The following RAB38 variants were observed in gnomAD, a reference collection of about 807,000 sequenced individuals.
The protein encoded by RAB38 is RAB38, member RAS oncogene family.
Under a neutral mutation model 18.4 loss-of-function variants are expected in RAB38, and 15 were observed. The ratio of observed to expected loss-of-function variants is 0.82; its 90% confidence interval spans 0.55 to 1.26. The LOEUF is 1.26. RAB38 is among the 50% of genes most tolerant of loss of function. The pLI, the probability that RAB38 is intolerant of heterozygous loss-of-function variation, is 0.00. For synonymous variants in RAB38, 101 were observed against 104.4 expected (o/e 0.97, Z 0.20); for missense variants, 294 against 267.4 (o/e 1.10, Z -0.69).
At chr11:88,035,200 C>T in the RAB38 span, among the ~76,000 whole-genome samples, 2 of 152,106 alleles carry the variant, frequency 1.3e-5, no homozygotes, top group Admixed American at 6.5e-5. Context: ...GTAATTTCTT[C>T]ATCCTTTTAA....
At chr11:88,137,459 A>G (rs1444991487) in intron 2 of RAB38, among the ~76,000 whole-genome samples, 1 of 152,192 alleles carries the variant, frequency 6.6e-6, no homozygotes, top group African/African-American at 2.4e-5. Context: ...AATTAAAACT[A>G]TGATTGCTGA....
chr11:88,081,867 C>T, the RAB38 span, among the ~76,000 whole-genome samples: 1 of 151,860 alleles, frequency 6.6e-6, no homozygotes, highest in Non-Finnish European at 1.5e-5. Context: ...GCCCAATATC[C>T]TTCAACTGGT....
chr11:88,110,196 G>T (rs1314769068), downstream of RAB38, among the ~76,000 whole-genome samples: 2 of 152,060 alleles, frequency 1.3e-5, no homozygotes, highest in African/African-American at 2.4e-5. Context: ...CCATAAAAAA[G>T]GATAGTTCAT....
At chr11:88,047,099 T>C in the RAB38 span, among the ~76,000 whole-genome samples, 1 of 152,202 alleles carries the variant, frequency 6.6e-6, no homozygotes, top group Admixed American at 6.5e-5. Flanking sequence ...TGTGCTCAAC[T>C]TACTCTCTAC....
chr11:88,166,731 A>G (rs1157791192), intron 1 of RAB38: 1 of 152,162 alleles, frequency 6.6e-6, no homozygotes, highest in Non-Finnish European at 1.5e-5. Flanking sequence ...AATGGTATTT[A>G]AGGACATTTC....
At chr11:87,955,899 ACACAC>A in the RAB38 span, among the ~76,000 whole-genome samples, 1 of 144,486 alleles carries the variant, frequency 6.9e-6, no homozygotes, top group African/African-American at 2.6e-5. Context: ...ACACACACAC[ACACAC>A]AAGTAGGACA....
intron 2 of RAB38, among the ~76,000 whole-genome samples, chr11:88,123,103 T>C (rs1233538480): frequency 6.6e-6 from 1 of 152,214 alleles, no homozygotes; most frequent in Non-Finnish European, 1.5e-5. Context: ...CCTGTCTCCT[T>C]CTTCTTCCTT....
chr11:88,033,628 G>T, the RAB38 span, among the ~76,000 whole-genome samples: 1 of 151,238 alleles, frequency 6.6e-6, no homozygotes, highest in Non-Finnish European at 1.5e-5. Flanking sequence ...GTGTTTCTGT[G>T]TGTGTCTTTA....
intron 1 of RAB38, among the ~76,000 whole-genome samples, chr11:88,153,698 G>T (rs1943090838): frequency 6.6e-6 from 1 of 152,214 alleles, no homozygotes; most frequent in South Asian, 2.1e-4. Context: ...ATCCCTAGTT[G>T]GGTTGCACTT....
chr11:87,837,830 AG>A, the RAB38 span, among the ~76,000 whole-genome samples: 1 of 152,216 alleles, frequency 6.6e-6, no homozygotes, highest in East Asian at 1.9e-4. Context: ...CATTCACCTA[AG>A]GGAAAGGCAG....
At chr11:88,017,134 A>G in the RAB38 span, among the ~76,000 whole-genome samples, 1 of 152,056 alleles carries the variant, frequency 6.6e-6, no homozygotes, top group Non-Finnish European at 1.5e-5. Context: ...TAAGCACTGC[A>G]AGCAGAGAGG....
the RAB38 span, among the ~76,000 whole-genome samples, chr11:87,923,862 GAGAGAAT>G: frequency 4.0e-5 from 6 of 151,428 alleles, no homozygotes; most frequent in Non-Finnish European, 8.8e-5. Flanking sequence ...CATCGACCCA[GAGAGAAT>G]AGTTAACATT....
At chr11:88,065,536 T>C in the RAB38 span, among the ~76,000 whole-genome samples, 1 of 152,222 alleles carries the variant, frequency 6.6e-6, no homozygotes, top group African/African-American at 2.4e-5. Flanking sequence ...TGTTTTAATA[T>C]CTTCTTTCGG....
At chr11:87,947,238 G>GTTTT in the RAB38 span, among the ~76,000 whole-genome samples, 3 of 150,848 alleles carry the variant, frequency 2.0e-5, no homozygotes, top group African/African-American at 7.3e-5. Flanking sequence ...TGATGGGGTT[G>GTTTT]TTTTTTTTCT....
the RAB38 span, among the ~76,000 whole-genome samples, chr11:87,903,206 T>C: frequency 1.3e-5 from 2 of 151,516 alleles, no homozygotes; most frequent in East Asian, 3.9e-4. Context: ...ATGTTAGCTC[T>C]GTGTTTTTGG....
chr11:88,102,756 C>T, the RAB38 span, among the ~76,000 whole-genome samples: 1 of 152,014 alleles, frequency 6.6e-6, no homozygotes, highest in Admixed American at 6.6e-5. Context: ...TCTGAAACTT[C>T]CTCTCCAGCC....
the RAB38 span, among the ~76,000 whole-genome samples, chr11:87,969,010 T>G: frequency 6.6e-6 from 1 of 152,144 alleles, no homozygotes; most frequent in Non-Finnish European, 1.5e-5. Flanking sequence ...ATGCAGTATA[T>G]CCTGTGTACT....
chr11:87,863,209 G>A, the RAB38 span, among the ~76,000 whole-genome samples: 6 of 151,748 alleles, frequency 4.0e-5, no homozygotes, highest in Non-Finnish European at 8.8e-5. Context: ...CAAAATAAAA[G>A]CTTTGTGACT....
chr11:88,062,189 G>A, the RAB38 span: 1 of 151,894 alleles, frequency 6.6e-6, no homozygotes, highest in African/African-American at 2.4e-5. Flanking sequence ...GTTAAGGGAG[G>A]GACATAGTGG....
Sources: gnomAD v4.1 joint callset for allele counts (sites outside exome capture counted in the v4.1 genomes callset) on GRCh38, gnomAD v4.1.1 for gene constraint, MANE v1.5 for transcripts, NCBI Gene and HGNC (gene_info 2026-07-23, HGNC 2026-07-21) for gene names.